The following LRRC4C variants were observed in gnomAD, a reference collection of about 807,000 sequenced individuals.
LRRC4C encodes leucine rich repeat containing 4C.
A neutral mutation model predicts 33.6 loss-of-function variants in LRRC4C; 5 were observed. The observed-to-expected ratio is 0.15, with a 90% confidence interval of 0.08 to 0.31. The LOEUF (loss-of-function observed/expected upper bound fraction) is 0.31. Among genes scored for constraint, LRRC4C ranks in the 10% least tolerant of loss-of-function variants. LRRC4C has a pLI of 1.00. For synonymous variants in LRRC4C, 329 were observed against 302.0 expected (o/e 1.09, Z -0.93); for missense variants, 560 against 796.7 (o/e 0.70, Z 3.58).
At chr11:40,299,644 A>G (rs566563581) in intron 4 of LRRC4C, among the ~76,000 whole-genome samples, 1 of 152,370 alleles carries the variant, frequency 6.6e-6, no homozygotes, top group Admixed American at 6.5e-5. Context: ...AATTAAATGA[A>G]GAACTAGTTA....
intron 1 of LRRC4C, among the ~76,000 whole-genome samples, chr11:41,347,601 AAGGT>A (rs1951844580): frequency 6.6e-6 from 1 of 152,230 alleles, no homozygotes; most frequent in Non-Finnish European, 1.5e-5. Flanking sequence ...TCAATATACA[AAGGT>A]AGTAAGTACA....
rs5791374 is a variant in LRRC4C, at chr11:40,343,711, G to GAA, written c.-269-23992_-269-23991dup. On this transcript the variant is annotated intron_variant, in intron 3 of 6. Transcript: ENST00000528697. Reference sequence around the variant, plus strand: ...TAACGAATCCAGGAGTTGTTTTTTTGAAAAAAAAAAAAAAAGAGAGAGACA... The same window carrying GAA: ...TAACGAATCCAGGAGTTGTTTTTTTGAAAAAAAAAAAAAAAAAGAGAGAGACA... Among the ~76,000 whole-genome samples the GAA allele has an allele frequency of 2.8e-3, 297 of 104,714 alleles. 2 individuals are homozygous for GAA. The highest frequency in any genetic ancestry group is 3.5e-3 in the Non-Finnish European group (194 of 55,558). 68.7% of individuals were successfully genotyped at this position (104,714 alleles called of 152,430 possible).
intron 4 of LRRC4C, among the ~76,000 whole-genome samples, chr11:40,281,163 A>G (rs1456320946): frequency 6.6e-6 from 1 of 152,160 alleles, no homozygotes; most frequent in Non-Finnish European, 1.5e-5. Context: ...GTTCAAAACA[A>G]TACAGAGAAA....
At chr11:41,384,856 G>A (rs1953296274) in intron 1 of LRRC4C, among the ~76,000 whole-genome samples, 1 of 148,592 alleles carries the variant, frequency 6.7e-6, no homozygotes, top group South Asian at 2.2e-4. Context: ...TACTGTGTCA[G>A]TTTGTATAGT....
intron 1 of LRRC4C, among the ~76,000 whole-genome samples, chr11:41,047,395 G>A (rs558158292): frequency 1.3e-5 from 2 of 152,160 alleles, no homozygotes; most frequent in East Asian, 3.9e-4. Flanking sequence ...TTACATTGCT[G>A]GTGATGATGT....
intron 1 of LRRC4C, among the ~76,000 whole-genome samples, chr11:41,368,963 C>G (rs1264880092): frequency 1.3e-5 from 2 of 152,184 alleles, no homozygotes; most frequent in Non-Finnish European, 2.9e-5. Context: ...AGGATATCCT[C>G]TTGTTCTCTA....
At chr11:40,703,876 T>C (rs1391108727) in intron 2 of LRRC4C, among the ~76,000 whole-genome samples, 2 of 152,294 alleles carry the variant, frequency 1.3e-5, no homozygotes, top group South Asian at 2.1e-4. Context: ...ACATTGTGTG[T>C]TTTAGTAATT....
chr11:41,072,955 C>G (rs1236025759), intron 1 of LRRC4C, among the ~76,000 whole-genome samples: 1 of 152,020 alleles, frequency 6.6e-6, no homozygotes, highest in Non-Finnish European at 1.5e-5. Context: ...GTTAAGTGTT[C>G]TGATTATAGA....
chr11:40,233,117 C>T (rs1865318719), intron 5 of LRRC4C, among the ~76,000 whole-genome samples: 2 of 152,182 alleles, frequency 1.3e-5, no homozygotes, highest in South Asian at 2.1e-4. Flanking sequence ...ACTCTGGAAT[C>T]AGGACCTTTA....
Position 40,202,404 on chromosome 11 carries a change from A to G in LRRC4C, c.-96+39115T>C, listed in dbSNP as rs1157936302. On this transcript the variant is annotated intron_variant, in intron 5 of 6. Transcript: ENST00000528697. ...AAATTAATCACAAAGAAATGGTGTCAGGTGAAGGGAAAGTCAAGCAGGGAG... is the reference window on the plus strand; with the variant it reads ...AAATTAATCACAAAGAAATGGTGTCGGGTGAAGGGAAAGTCAAGCAGGGAG... Among the ~76,000 whole-genome samples, 13 of 152,138 alleles carry G rather than the reference A, an allele frequency of 8.5e-5. No individual in the cohort carries two copies. In the East Asian group the frequency reaches 2.5e-3, roughly 30 times the overall value.
At chr11:40,903,960 T>C (rs929557971) in intron 2 of LRRC4C, among the ~76,000 whole-genome samples, 4 of 151,874 alleles carry the variant, frequency 2.6e-5, no homozygotes, top group African/African-American at 7.3e-5. Context: ...AAAAAATATA[T>C]ATTTAATAAA....
At chr11:40,409,011 T>C (rs1281604655) in intron 3 of LRRC4C, among the ~76,000 whole-genome samples, 3 of 151,980 alleles carry the variant, frequency 2.0e-5, no homozygotes. Context: ...TAAAATATAC[T>C]GTAAAGCTAC....
intron 3 of LRRC4C, among the ~76,000 whole-genome samples, chr11:40,494,740 G>T (rs1954341257): frequency 6.6e-6 from 1 of 152,128 alleles, no homozygotes; most frequent in African/African-American, 2.4e-5. Flanking sequence ...CACTATTCCT[G>T]CTACTTTTAC....
At chr11:40,719,280 T>C (rs904313740) in intron 2 of LRRC4C, among the ~76,000 whole-genome samples, 1 of 152,244 alleles carries the variant, frequency 6.6e-6, no homozygotes, top group Non-Finnish European at 1.5e-5. Context: ...TAGTAGTGAA[T>C]GCATTACTGC....
At chr11:40,344,768 C>T (rs537034261) in intron 3 of LRRC4C, among the ~76,000 whole-genome samples, 7 of 152,140 alleles carry the variant, frequency 4.6e-5, no homozygotes, top group African/African-American at 1.7e-4. Context: ...TAGTCTGTGC[C>T]CAAAAGCTCC....
chr11:40,210,756 C>G (rs1230619442), intron 5 of LRRC4C, among the ~76,000 whole-genome samples: 1 of 152,072 alleles, frequency 6.6e-6, no homozygotes, highest in Non-Finnish European at 1.5e-5. Context: ...CTACCTTAAC[C>G]ATTTTGTAAA....
intron 3 of LRRC4C, among the ~76,000 whole-genome samples, chr11:40,476,281 A>G (rs72897083): frequency 0.028 from 4,280 of 151,812 alleles, 74 homozygotes; most frequent in Middle Eastern, 0.034. Flanking sequence ...TTTTAACCAA[A>G]AGAGTCTTGA....
chr11:41,050,118 T>C (rs76876659), intron 1 of LRRC4C, among the ~76,000 whole-genome samples: 1 of 152,180 alleles, frequency 6.6e-6, no homozygotes, highest in Non-Finnish European at 1.5e-5. Flanking sequence ...GGAGGCATCA[T>C]AGTGAGAAGG....
intron 5 of LRRC4C, among the ~76,000 whole-genome samples, chr11:40,214,834 T>C (rs1398210478): frequency 1.3e-5 from 2 of 152,172 alleles, no homozygotes; most frequent in African/African-American, 4.8e-5. Flanking sequence ...AGGTTTTCTT[T>C]GCCCTTTTTT....
Sources: allele counts gnomAD v4.1 joint callset (sites outside exome capture counted in the v4.1 genomes callset), GRCh38; gene constraint gnomAD v4.1.1; transcripts MANE v1.5; gene names NCBI Gene and HGNC (gene_info 2026-07-23, HGNC 2026-07-21).